Variants in CNTNAP2 observed in about 807,000 individuals in gnomAD.
CNTNAP2 encodes the protein contactin-associated protein-like 2.
In CNTNAP2, 98 loss-of-function variants were observed where a neutral mutation model predicts 155.2. That is an observed-to-expected ratio of 0.63 (90% confidence interval 0.54 to 0.75). The LOEUF is 0.75. Ranked by LOEUF, CNTNAP2 falls within the 30% of genes least tolerant of loss-of-function variation. The pLI is 0.00. For missense variants in CNTNAP2, 1,727 were observed against 1,688.1 expected (o/e 1.02, Z -0.40); for synonymous variants, 651 against 631.2 (o/e 1.03, Z -0.47).
chr7:147,657,193 T>C (rs531933526), intron 13 of CNTNAP2, among the ~76,000 whole-genome samples: 1 of 152,352 alleles, frequency 6.6e-6, no homozygotes, highest in Admixed American at 6.5e-5. Flanking sequence ...GTGTTTGCTA[T>C]TAAATTTGAA....
chr7:148,087,239 C>T (rs1342932224), intron 15 of CNTNAP2, among the ~76,000 whole-genome samples: 2 of 152,116 alleles, frequency 1.3e-5, no homozygotes, highest in Non-Finnish European at 2.9e-5. Context: ...TTTCTGATTT[C>T]ATTATGATAC....
chr7:147,079,058 T>A (rs1800057900), intron 4 of CNTNAP2, among the ~76,000 whole-genome samples: 1 of 152,168 alleles, frequency 6.6e-6, no homozygotes, highest in Admixed American at 6.6e-5. Context: ...CCGTCTTATT[T>A]AATTTGATGT....
At chr7:147,495,583 C>T (rs2222764) in intron 11 of CNTNAP2, among the ~76,000 whole-genome samples, 43,588 of 152,044 alleles carry the variant, frequency 0.29, 6,381 homozygotes, top group East Asian at 0.43. Context: ...CAATTCTCAA[C>T]AGATGACAGC....
intron 15 of CNTNAP2, among the ~76,000 whole-genome samples, chr7:148,045,653 A>G (rs1222558993): frequency 6.6e-6 from 1 of 152,256 alleles, no homozygotes; most frequent in Non-Finnish European, 1.5e-5. Context: ...CGCCTTAGGC[A>G]ATGAAACTTG....
intron 11 of CNTNAP2, among the ~76,000 whole-genome samples, chr7:147,502,312 G>A (rs1462271971): frequency 1.3e-5 from 2 of 152,110 alleles, no homozygotes; most frequent in East Asian, 1.9e-4. Context: ...AAGTGTGAGG[G>A]AAATGCATAT....
intron 1 of CNTNAP2, among the ~76,000 whole-genome samples, chr7:146,255,713 A>T (rs893836835): frequency 5.9e-5 from 9 of 152,222 alleles, no homozygotes; most frequent in African/African-American, 2.2e-4. Flanking sequence ...TGGTATAATT[A>T]GACAGAGAGA....
chr7:148,058,966 G>T (rs1005028353), intron 15 of CNTNAP2, among the ~76,000 whole-genome samples: 4 of 151,952 alleles, frequency 2.6e-5, no homozygotes, highest in Non-Finnish European at 5.9e-5. Context: ...AGTTACATGG[G>T]TGTGTCACTT....
intron 18 of CNTNAP2, among the ~76,000 whole-genome samples, chr7:148,214,393 T>A (rs1795601732): frequency 6.6e-6 from 1 of 152,102 alleles, no homozygotes; most frequent in South Asian, 2.1e-4. Context: ...TGTTGATGCG[T>A]CTCCTCCCAC....
chr7:148,254,828 T>G (rs558008695), intron 20 of CNTNAP2, among the ~76,000 whole-genome samples: 1 of 151,184 alleles, frequency 6.6e-6, no homozygotes, highest in South Asian at 2.1e-4. Context: ...TTAAGCAGCA[T>G]CATATTTGTT....
chr7:147,659,906 A>G (rs1245809335), intron 13 of CNTNAP2, among the ~76,000 whole-genome samples: 1 of 152,236 alleles, frequency 6.6e-6, no homozygotes, highest in Non-Finnish European at 1.5e-5. Flanking sequence ...ATAACAAAGC[A>G]TAAATATTTT....
At chr7:146,240,436 G>T (rs1262880652) in intron 1 of CNTNAP2, among the ~76,000 whole-genome samples, 1 of 151,830 alleles carries the variant, frequency 6.6e-6, no homozygotes, top group Non-Finnish European at 1.5e-5. Flanking sequence ...TTTCAGAGAA[G>T]AAGCATTCCT....
chr7:146,536,034 A>C (rs1799351303), intron 1 of CNTNAP2, among the ~76,000 whole-genome samples: 1 of 152,148 alleles, frequency 6.6e-6, no homozygotes, highest in Non-Finnish European at 1.5e-5. Context: ...AACAGCATGC[A>C]ATCATCCAAT....
intron 3 of CNTNAP2, among the ~76,000 whole-genome samples, chr7:146,851,884 C>A (rs1459067822): frequency 6.6e-6 from 1 of 151,946 alleles, no homozygotes; most frequent in Non-Finnish European, 1.5e-5. Context: ...ATGGGTCTCA[C>A]TTTGTTGTCC....
chr7:146,827,472 G>A (rs1414286206), intron 2 of CNTNAP2, among the ~76,000 whole-genome samples: 1 of 150,200 alleles, frequency 6.7e-6, no homozygotes, highest in East Asian at 1.9e-4. Context: ...AATATTCCTT[G>A]TGATCTGCGT....
chr7:148,017,200 G>C (rs1231237285), intron 15 of CNTNAP2, among the ~76,000 whole-genome samples: 1 of 152,090 alleles, frequency 6.6e-6, no homozygotes, highest in Non-Finnish European at 1.5e-5. Context: ...AAGGGAAATG[G>C]GCATTTTCCC....
chr7:146,605,085 AAC>A lies in CNTNAP2; in HGVS notation c.98-169184_98-169183del, dbSNP rs1386035347. Among the ~76,000 whole-genome samples the A allele has an allele frequency of 2.9e-4, 36 of 123,364 alleles. 2 individuals carry two copies. The highest frequency in any genetic ancestry group is 1.1e-3 in the African/African-American group (30 of 28,032). The allele number at this position is 123,364 out of a possible 152,430, so 80.9% of individuals were successfully genotyped here. ...AACTTAAAGTATAATAAAAAAAAAC[AAC>A]AAAAAAAAAAAGAAAAAAAAATACT... On this transcript the variant is annotated intron_variant, in intron 1 of 23. Coordinates refer to ENST00000361727, the MANE Select transcript of CNTNAP2 (RefSeq NM_014141.6).
intron 22 of CNTNAP2, among the ~76,000 whole-genome samples, chr7:148,403,349 A>G (rs1020046780): frequency 6.6e-6 from 1 of 152,126 alleles, no homozygotes; most frequent in Non-Finnish European, 1.5e-5. Context: ...GTGGGCTTTT[A>G]TAAGACTCTA....
intron 8 of CNTNAP2, among the ~76,000 whole-genome samples, chr7:147,251,665 G>A (rs1351906949): frequency 1.3e-5 from 2 of 152,188 alleles, no homozygotes; most frequent in East Asian, 1.9e-4. Flanking sequence ...GGTCATGTCT[G>A]ACTGTGCACT....
chr7:146,588,107 T>A (rs1457143413), intron 1 of CNTNAP2, among the ~76,000 whole-genome samples: 1 of 152,090 alleles, frequency 6.6e-6, no homozygotes, highest in African/African-American at 2.4e-5. Flanking sequence ...TATAGAATAT[T>A]GTAGGGAGTC....
Sources: allele counts gnomAD v4.1 joint callset (sites outside exome capture counted in the v4.1 genomes callset), GRCh38; gene constraint gnomAD v4.1.1; transcripts MANE v1.5; gene names NCBI Gene and HGNC (gene_info 2026-07-23, HGNC 2026-07-21).